The following IL1RAPL1 variants were observed in gnomAD, a reference collection of about 807,000 sequenced individuals.
The protein encoded by IL1RAPL1 is interleukin-1 receptor accessory protein-like 1.
In IL1RAPL1, 3 loss-of-function variants were observed where a neutral mutation model predicts 48.4. The ratio of observed to expected loss-of-function variants is 0.06; its 90% CI spans 0.03 to 0.16. The LOEUF (loss-of-function observed/expected upper bound fraction) is 0.16. IL1RAPL1 is among the 10% of genes least tolerant of loss of function. The pLI, the probability that IL1RAPL1 is intolerant of heterozygous loss-of-function variation, is 1.00. For synonymous variants in IL1RAPL1, 185 were observed against 187.7 expected (o/e 0.99, Z 0.12); for missense variants, 349 against 530.6 (o/e 0.66, Z 3.36).
chrX:28,613,955 A>G (rs751828575), intron 1 of IL1RAPL1, among the ~76,000 whole-genome samples: 6 of 111,657 alleles, frequency 5.4e-5, no homozygotes, highest in Admixed American at 9.5e-5. Flanking sequence ...AATTTTCTTT[A>G]GCTCCCAAAC....
At chrX:29,819,483 A>C (rs1930563862) in intron 6 of IL1RAPL1, among the ~76,000 whole-genome samples, 1 of 111,378 alleles carries the variant, frequency 9.0e-6, no homozygotes, top group Non-Finnish European at 1.9e-5. Flanking sequence ...CCTCTCAACT[A>C]TTCCTGCTGG....
chrX:29,917,548 A>C lies in IL1RAPL1; in HGVS notation c.863A>C (p.Lys288Thr). 8.3e-7 allele frequency: 1 copy of C among 1,208,465 alleles called. No individual in the cohort carries two copies. Among genetic ancestry groups the C allele is most frequent in the Non-Finnish European group, 1.1e-6 (1 of 892,819 alleles). The change falls in exon 7 of 11, where the codon AAA becomes ACA. Residue 288 changes from lysine (K) to threonine (T), a missense_variant. Lys to Thr is a moderately conservative substitution (Grantham distance 78). Coordinates refer to ENST00000378993, the MANE Select transcript of IL1RAPL1 (RefSeq NM_014271.4). The part of the protein sequence containing the change: ...SPLIYWMKGE[K>T]FIEDLDENRV... ...TTAATTTACTGGATGAAAGGAGAAA[A>C]ATTTATTGAAGATCTGGATGAAAAT...
chrX:28,716,926 T>G (rs1243213834), intron 1 of IL1RAPL1, among the ~76,000 whole-genome samples: 1 of 111,815 alleles, frequency 8.9e-6, no homozygotes, highest in Non-Finnish European at 1.9e-5. Flanking sequence ...TCACTGATCA[T>G]TAGAAAAATG....
At chrX:29,456,774 C>A (rs771500995) in intron 5 of IL1RAPL1, among the ~76,000 whole-genome samples, 3 of 111,353 alleles carry the variant, frequency 2.7e-5, no homozygotes, top group African/African-American at 9.8e-5. Context: ...ATTTATATCA[C>A]TATTTACATA....
intron 9 of IL1RAPL1, among the ~76,000 whole-genome samples, chrX:29,951,883 A>T (rs1225259965): frequency 9.1e-6 from 1 of 109,538 alleles, no homozygotes; most frequent in Non-Finnish European, 1.9e-5. Flanking sequence ...CAAATTGAGG[A>T]GGCATCTACA....
intron 3 of IL1RAPL1, among the ~76,000 whole-genome samples, chrX:29,329,441 C>T (rs1024135226): frequency 9.0e-6 from 1 of 111,692 alleles, no homozygotes. Flanking sequence ...GTGGAAACAA[C>T]CCAAATATTC....
chrX:29,218,679 T>TA (rs1318226751), intron 2 of IL1RAPL1, among the ~76,000 whole-genome samples: 1 of 112,216 alleles, frequency 8.9e-6, no homozygotes, highest in Non-Finnish European at 1.9e-5. Context: ...GGATTCACTT[T>TA]AAAAACTTGG....
chrX:29,047,227 G>T (rs949295946), intron 2 of IL1RAPL1, among the ~76,000 whole-genome samples: 4 of 112,490 alleles, frequency 3.6e-5, no homozygotes, highest in African/African-American at 1.3e-4. Context: ...ATGAAGAATG[G>T]CAGGGGCAAG....
intron 5 of IL1RAPL1, among the ~76,000 whole-genome samples, chrX:29,485,391 T>C (rs1390851933): frequency 8.9e-6 from 1 of 111,901 alleles, no homozygotes; most frequent in Admixed American, 9.5e-5. Flanking sequence ...GCTTGATGTG[T>C]GCCAGGTGGG....
chrX:29,686,063 A>G (rs1926608357), intron 6 of IL1RAPL1, among the ~76,000 whole-genome samples: 1 of 111,965 alleles, frequency 8.9e-6, no homozygotes, highest in Non-Finnish European at 1.9e-5. Flanking sequence ...CAATGACTTA[A>G]AAAATATAAG....
intron 2 of IL1RAPL1, among the ~76,000 whole-genome samples, chrX:28,844,429 A>G (rs909932522): frequency 9.2e-6 from 1 of 108,976 alleles, no homozygotes; most frequent in Non-Finnish European, 1.9e-5. Flanking sequence ...GAACCCTGCT[A>G]TCAACAGATG....
chrX:29,542,292 C>T (rs1401733427), intron 5 of IL1RAPL1, among the ~76,000 whole-genome samples: 3 of 111,613 alleles, frequency 2.7e-5, no homozygotes, highest in Non-Finnish European at 5.7e-5. Flanking sequence ...CCTGGGAAAG[C>T]TCGTGCTGCT....
intron 3 of IL1RAPL1, among the ~76,000 whole-genome samples, chrX:29,386,116 G>A (rs1461884323): frequency 4.5e-5 from 5 of 111,648 alleles, no homozygotes; most frequent in African/African-American, 3.3e-5. Context: ...TGCAACCTCC[G>A]CCTCCTGGGT....
chrX:29,634,398 G>T (rs924584471), intron 5 of IL1RAPL1, among the ~76,000 whole-genome samples: 10 of 111,745 alleles, frequency 8.9e-5, no homozygotes, highest in Non-Finnish European at 7.5e-5. Context: ...AGTCAAAGTG[G>T]CTCTGGACTA....
chrX:29,739,007 G>A (rs1928128239), intron 6 of IL1RAPL1, among the ~76,000 whole-genome samples: 2 of 112,161 alleles, frequency 1.8e-5, no homozygotes, highest in South Asian at 3.7e-4. Flanking sequence ...AATAACAGCC[G>A]ACCTGAACAT....
At chrX:28,853,482 T>TGC (rs1569186207) in intron 2 of IL1RAPL1, among the ~76,000 whole-genome samples, 22 of 63,069 alleles carry the variant, frequency 3.5e-4, no homozygotes, top group East Asian at 2.7e-3. Context: ...TCAGTGCATG[T>TGC]GTGTGCGCGC....
chrX:29,725,719 A>C (rs1056046492), intron 6 of IL1RAPL1, among the ~76,000 whole-genome samples: 9 of 112,054 alleles, frequency 8.0e-5, no homozygotes, highest in Non-Finnish European at 1.7e-4. Flanking sequence ...GTGTGTGTGT[A>C]TGAGTGTGTA....
rs776337064 is a variant in IL1RAPL1, at chrX:29,349,668, G to C, written c.363-46590G>C. ...TCTTCTTTATTCTGAGTTGTCTAAA[G>C]TTCTTTCCCTTTGAACCTAGTTCTA... On this transcript the variant is annotated intron_variant, in intron 3 of 10. Transcript: ENST00000378993. Among the ~76,000 whole-genome samples, 8 of 111,200 alleles carry C rather than the reference G, an allele frequency of 7.2e-5. No homozygotes were observed. In the South Asian group the frequency reaches 2.7e-3, roughly 37 times the overall value.
At position 28,637,415 on chromosome X, in the gene IL1RAPL1, G is replaced by A. The variant is rs1027095847; in HGVS notation, c.-25+49368G>A. ...TTCAATTTAGTATTTATCACTACAT[G>A]TTTATTGTGTGCCCTCCACCCCACC... On this transcript the variant is annotated intron_variant, in intron 1 of 10. Coordinates refer to ENST00000378993, the MANE Select transcript of IL1RAPL1 (RefSeq NM_014271.4). 4.5e-5 allele frequency among the ~76,000 whole-genome samples: 5 copies of A among 111,716 alleles called. No individual in the cohort carries two copies. In the East Asian group the frequency reaches 1.4e-3, roughly 31 times the overall value.
Sources: gnomAD v4.1 joint callset for allele counts (sites outside exome capture counted in the v4.1 genomes callset) on GRCh38, gnomAD v4.1.1 for gene constraint, MANE v1.5 for transcripts, NCBI Gene and HGNC (gene_info 2026-07-23, HGNC 2026-07-21) for gene names.